The following ARHGAP24 variants were observed in gnomAD, a reference collection of about 807,000 sequenced individuals.
ARHGAP24 encodes the protein Rho GTPase activating protein 24.
A neutral mutation model predicts 76.4 loss-of-function variants in ARHGAP24; 50 were observed. The ratio of observed to expected loss-of-function variants is 0.65; its 90% CI spans 0.52 to 0.83. The LOEUF (loss-of-function observed/expected upper bound fraction) is 0.83, where lower values mean the gene tolerates loss of function less well. ARHGAP24 is among the 40% of genes least tolerant of loss of function. The pLI, the probability that ARHGAP24 is intolerant of heterozygous loss-of-function variation, is 0.00. For synonymous variants in ARHGAP24, 345 were observed against 323.3 expected (o/e 1.07, Z -0.72); for missense variants, 930 against 914.2 (o/e 1.02, Z -0.22).
chr4:85,584,232 A>G (rs1727747869), intron 2 of ARHGAP24, among the ~76,000 whole-genome samples: 1 of 152,200 alleles, frequency 6.6e-6, no homozygotes, highest in African/African-American at 2.4e-5. Flanking sequence ...GAAATGTGGC[A>G]CATATACACC....
In ARHGAP24 at chr4:86,000,463, C is replaced by G. The variant is rs766920418; in HGVS notation, c.2004-16C>G. 6 of 942,372 alleles carry G rather than the reference C, an allele frequency of 6.4e-6. No homozygotes were observed. In the Admixed American group the frequency reaches 1.3e-4, roughly 20 times the overall value. 58.4% of individuals were successfully genotyped at this position (942,372 alleles called of 1,614,324 possible). The stretch of plus-strand genomic sequence containing the variant: ...CTTGCGTCCCCACCCCCCACCCCCC[C>G]CAACATCCTTTGTAGCTTAGAACAG... On this transcript the variant is annotated splice_polypyrimidine_tract_variant and intron_variant, in intron 9 of 9. Coordinates refer to ENST00000395184, the MANE Select transcript of ARHGAP24 (RefSeq NM_001025616.3).
At chr4:85,614,074 T>G (rs1720474912) in intron 2 of ARHGAP24, among the ~76,000 whole-genome samples, 2 of 152,222 alleles carry the variant, frequency 1.3e-5, no homozygotes, top group Non-Finnish European at 2.9e-5. Flanking sequence ...TGCAATTCTT[T>G]TCTTTAGAAA....
chr4:85,579,273 C>T (rs1727508889), intron 2 of ARHGAP24, among the ~76,000 whole-genome samples: 1 of 152,120 alleles, frequency 6.6e-6, no homozygotes, highest in South Asian at 2.1e-4. Context: ...TATATGGAAC[C>T]AGGTAGTCCA....
At chr4:86,000,458 C>CG (rs202024629) in intron 9 of ARHGAP24, 21 bp from the exon 10 acceptor site, 2 of 753,422 alleles carry the variant, frequency 2.7e-6, no homozygotes, top group African/African-American at 1.9e-5. Context: ...CACCCCCCAC[C>CG]CCCCCCAACA....
At chr4:85,708,802 A>T (rs1389662565) in intron 2 of ARHGAP24, among the ~76,000 whole-genome samples, 1 of 152,164 alleles carries the variant, frequency 6.6e-6, no homozygotes, top group Non-Finnish European at 1.5e-5. Flanking sequence ...TTACCTTCAT[A>T]TCTATTATCA....
chr4:85,921,555 AG>A (rs1481716415), intron 3 of ARHGAP24, among the ~76,000 whole-genome samples: 1 of 152,162 alleles, frequency 6.6e-6, no homozygotes, highest in East Asian at 1.9e-4. Context: ...TTAAAAAAAA[AG>A]ATCACTGAGT....
intron 3 of ARHGAP24, among the ~76,000 whole-genome samples, chr4:85,784,913 A>ATCTG (rs1326626097): frequency 6.4e-4 from 4 of 6,240 alleles, no homozygotes; most frequent in African/African-American, 1.5e-3. Flanking sequence ...ATCTCTATCT[A>ATCTG]TCTATCTATC....
At chr4:85,966,205 C>T (rs1400232632) in intron 5 of ARHGAP24, among the ~76,000 whole-genome samples, 1 of 152,158 alleles carries the variant, frequency 6.6e-6, no homozygotes, top group Non-Finnish European at 1.5e-5. Flanking sequence ...GGGCCGCACC[C>T]TCATGAATTC....
intron 2 of ARHGAP24, among the ~76,000 whole-genome samples, chr4:85,703,636 G>A (rs1461902355): frequency 6.6e-6 from 1 of 152,044 alleles, no homozygotes; most frequent in Non-Finnish European, 1.5e-5. Flanking sequence ...CATCTAGAAA[G>A]CTGACCCTGA....
At chr4:85,966,736 G>T (rs747531123) in intron 5 of ARHGAP24, among the ~76,000 whole-genome samples, 1 of 152,084 alleles carries the variant, frequency 6.6e-6, no homozygotes, top group Non-Finnish European at 1.5e-5. Flanking sequence ...TCTCATGTAC[G>T]TTCTCCCTGG....
intron 1 of ARHGAP24, among the ~76,000 whole-genome samples, chr4:85,532,223 T>A (rs1196099869): frequency 6.6e-6 from 1 of 152,078 alleles, no homozygotes. Context: ...TTTTGTCTCT[T>A]TGTGATTGAT....
chr4:85,642,073 A>G (rs1721544544), intron 2 of ARHGAP24, among the ~76,000 whole-genome samples: 1 of 152,130 alleles, frequency 6.6e-6, no homozygotes, highest in South Asian at 2.1e-4. Context: ...ACCCTTTCTG[A>G]AATGGGAGTC....
chr4:85,609,379 C>A (rs545267321), intron 2 of ARHGAP24, among the ~76,000 whole-genome samples: 5 of 152,212 alleles, frequency 3.3e-5, no homozygotes, highest in African/African-American at 1.2e-4. Context: ...CCTTTATGTA[C>A]CCCCAGAATA....
At chr4:85,935,968 T>C (rs1165195293) in intron 4 of ARHGAP24, among the ~76,000 whole-genome samples, 2 of 152,222 alleles carry the variant, frequency 1.3e-5, no homozygotes, top group East Asian at 3.8e-4. Flanking sequence ...TATAATATTT[T>C]GTGGCTACTT....
chr4:85,717,964 A>G (rs1161190247), intron 2 of ARHGAP24, among the ~76,000 whole-genome samples: 2 of 152,158 alleles, frequency 1.3e-5, no homozygotes, highest in African/African-American at 2.4e-5. Context: ...TAGATTGGGC[A>G]CCTGACTTGT....
intron 2 of ARHGAP24, among the ~76,000 whole-genome samples, chr4:85,597,629 CTTT>C (rs5859986): frequency 6.7e-6 from 1 of 148,924 alleles, no homozygotes; most frequent in African/African-American, 2.5e-5. Context: ...AGGGCAGCAA[CTTT>C]TTTTTTTTTC....
intron 2 of ARHGAP24, among the ~76,000 whole-genome samples, chr4:85,714,357 T>G (rs1230306018): frequency 6.6e-6 from 1 of 152,160 alleles, no homozygotes; most frequent in Non-Finnish European, 1.5e-5. Flanking sequence ...TCCTAGGATC[T>G]GAATACCTGT....
chr4:85,952,488 G>A (rs1245399382), intron 5 of ARHGAP24, among the ~76,000 whole-genome samples: 1 of 152,196 alleles, frequency 6.6e-6, no homozygotes, highest in Non-Finnish European at 1.5e-5. Context: ...ATTTGAATGA[G>A]AAGAAACACT....
intron 2 of ARHGAP24, among the ~76,000 whole-genome samples, chr4:85,641,836 C>G (rs1721533400): frequency 6.6e-6 from 1 of 152,148 alleles, no homozygotes; most frequent in African/African-American, 2.4e-5. Flanking sequence ...CCTCCAGGAG[C>G]CTCCATGTGT....
Sources: gnomAD v4.1 joint callset for allele counts (sites outside exome capture counted in the v4.1 genomes callset) on GRCh38, gnomAD v4.1.1 for gene constraint, MANE v1.5 for transcripts, NCBI Gene and HGNC (gene_info 2026-07-23, HGNC 2026-07-21) for gene names.